The following CAMKMT variants were observed in gnomAD, a reference collection of about 807,000 sequenced individuals.
The protein encoded by CAMKMT is CaM KMT.
CAMKMT carries 53 observed loss-of-function variants against 48.0 expected under a neutral mutation model. That is an observed-to-expected ratio of 1.10 (90% CI 0.89 to 1.39). The LOEUF (loss-of-function observed/expected upper bound fraction) is 1.39, where lower values mean the gene tolerates loss of function less well. Among genes scored for constraint, CAMKMT ranks in the 40% most tolerant of loss-of-function variants. The pLI is 0.00. For missense variants in CAMKMT, 428 were observed against 402.7 expected (o/e 1.06, Z -0.54); for synonymous variants, 165 against 152.3 (o/e 1.08, Z -0.61).
At chr2:44,422,875 G>A (rs1306033856) in intron 3 of CAMKMT, among the ~76,000 whole-genome samples, 1 of 151,980 alleles carries the variant, frequency 6.6e-6, no homozygotes, top group African/African-American at 2.4e-5. Context: ...TAGAACCAGT[G>A]AATTCTCTGG....
At chr2:44,493,977 G>A (rs779897155) in intron 3 of CAMKMT, among the ~76,000 whole-genome samples, 8 of 152,022 alleles carry the variant, frequency 5.3e-5, no homozygotes, top group Non-Finnish European at 1.2e-4. Flanking sequence ...TAGTAATTTG[G>A]TTTCATTTTT....
intron 3 of CAMKMT, among the ~76,000 whole-genome samples, chr2:44,579,627 T>G (rs1669434266): frequency 6.6e-6 from 1 of 152,214 alleles, no homozygotes; most frequent in South Asian, 2.1e-4. Flanking sequence ...TTGCCCTTTC[T>G]CTCCTGAGCT....
intron 9 of CAMKMT, among the ~76,000 whole-genome samples, chr2:44,756,986 T>A (rs1459458736): frequency 6.6e-6 from 1 of 152,180 alleles, no homozygotes; most frequent in Non-Finnish European, 1.5e-5. Context: ...CAAGTCTACA[T>A]TAACTACCTT....
At position 44,654,654 on chromosome 2, in the gene CAMKMT, A is replaced by G. The variant is rs533902434; in HGVS notation, c.377-49629A>G. ...TGGCCTCCCGAGTAGCTGGGACTAC[A>G]GACGTGTGTCACCATGCCTGGCGAA... On this transcript the variant is annotated intron_variant, in intron 3 of 10. Transcript: ENST00000378494. Among the ~76,000 whole-genome samples, 25 of 152,266 alleles carry G rather than the reference A, an allele frequency of 1.6e-4. No homozygotes were observed. In the East Asian group the frequency reaches 4.6e-3, roughly 28 times the overall value.
chr2:44,669,106 T>G (rs1274473589), intron 3 of CAMKMT, among the ~76,000 whole-genome samples: 3 of 152,202 alleles, frequency 2.0e-5, no homozygotes, highest in African/African-American at 7.2e-5. Flanking sequence ...TGTTTGTTTT[T>G]GTTTTTAATA....
chr2:44,720,342 C>G (rs1678401873), intron 7 of CAMKMT, among the ~76,000 whole-genome samples: 2 of 152,054 alleles, frequency 1.3e-5, no homozygotes, highest in Non-Finnish European at 2.9e-5. Flanking sequence ...ATCTCACTAC[C>G]AAAAATAGGC....
In CAMKMT at chr2:44,447,947, G is replaced by T. The variant is rs181746599; in HGVS notation, c.376+57642G>T. Among the ~76,000 whole-genome samples, 10 of 152,224 alleles carry T rather than the reference G, an allele frequency of 6.6e-5. No individual in the cohort carries two copies. The East Asian group carries it at 1.5e-3, about 23-fold the overall frequency. ...CTGTTTTAATGTATTCTTATAAAAT[G>T]CATTCTATTGTTTGGGATATGTATT... On this transcript the variant is annotated intron_variant, in intron 3 of 10. Coordinates refer to ENST00000378494, the MANE Select transcript of CAMKMT (RefSeq NM_024766.5).
intron 3 of CAMKMT, among the ~76,000 whole-genome samples, chr2:44,648,509 A>C (rs1162606383): frequency 2.6e-5 from 4 of 152,254 alleles, no homozygotes; most frequent in Non-Finnish European, 4.4e-5. Context: ...AAGAAAGATT[A>C]CATTTGTTCT....
chr2:44,772,123 C>T lies in CAMKMT; in HGVS notation c.*10C>T. On this transcript the variant is annotated 3_prime_UTR_variant, in exon 11 of 11. Coordinates refer to ENST00000378494, the MANE Select transcript of CAMKMT (RefSeq NM_024766.5). The stretch of plus-strand genomic sequence containing the variant: ...GACCAAACATGGATAGAAGATTAAG[C>T]TTCTCAAAGACGAAGAAACGTATCA... 1 of 1,608,612 alleles carries T rather than the reference C, an allele frequency of 6.2e-7. No individual in the cohort carries two copies. The highest frequency in any genetic ancestry group is 8.5e-7 in the Non-Finnish European group (1 of 1,176,364).
At chr2:44,375,888 TGACTCTCCTGCCTC>T in intron 2 of CAMKMT, among the ~76,000 whole-genome samples, 1 of 152,118 alleles carries the variant, frequency 6.6e-6, no homozygotes, top group Non-Finnish European at 1.5e-5. Context: ...AGGGTTCAAG[TGACTCTCCTGCCTC>T]AGCCTCCTGA....
intron 3 of CAMKMT, among the ~76,000 whole-genome samples, chr2:44,609,383 G>A (rs1404180228): frequency 6.6e-6 from 1 of 152,154 alleles, no homozygotes; most frequent in African/African-American, 2.4e-5. Flanking sequence ...AACCATGTGA[G>A]GTAATCCGTT....
At chr2:44,499,832 A>T (rs1669924111) in intron 3 of CAMKMT, among the ~76,000 whole-genome samples, 1 of 152,176 alleles carries the variant, frequency 6.6e-6, no homozygotes, top group African/African-American at 2.4e-5. Flanking sequence ...CTGTTTTGTG[A>T]TACTTCTGAA....
chr2:44,399,225 A>C (rs1183033545), intron 3 of CAMKMT, among the ~76,000 whole-genome samples: 3 of 152,088 alleles, frequency 2.0e-5, no homozygotes, highest in African/African-American at 7.2e-5. Flanking sequence ...TTTCTGATTG[A>C]TTTTCTACAA....
chr2:44,536,682 C>T (rs1446885908), intron 3 of CAMKMT, among the ~76,000 whole-genome samples: 3 of 151,726 alleles, frequency 2.0e-5, no homozygotes, highest in African/African-American at 4.8e-5. Flanking sequence ...TTGTATGGAA[C>T]CAAAAAAGAG....
At chr2:44,546,154 G>GACACACACACACACACACACAC (rs4039614) in intron 3 of CAMKMT, among the ~76,000 whole-genome samples, 19 of 129,168 alleles carry the variant, frequency 1.5e-4, no homozygotes, top group African/African-American at 3.8e-4. Context: ...AGACTGCTAG[G>GACACACACACACACACACACAC]ACACACACAC....
chr2:44,765,213 G>C (rs1218679317), intron 9 of CAMKMT, among the ~76,000 whole-genome samples: 1 of 152,026 alleles, frequency 6.6e-6, no homozygotes, highest in Admixed American at 6.6e-5. Flanking sequence ...GGGTGACAGA[G>C]TGGGACTCTG....
chr2:44,654,457 A>T (rs999558287), intron 3 of CAMKMT, among the ~76,000 whole-genome samples: 1 of 152,306 alleles, frequency 6.6e-6, no homozygotes, highest in East Asian at 1.9e-4. Flanking sequence ...AATTAGTTGT[A>T]TGCCCTTTAG....
intron 3 of CAMKMT, among the ~76,000 whole-genome samples, chr2:44,632,278 A>C (rs147210636): frequency 7.9e-5 from 12 of 152,236 alleles, no homozygotes; most frequent in African/African-American, 2.6e-4. Flanking sequence ...TTTGTCAGGA[A>C]AATTTTTATT....
chr2:44,572,018 T>C (rs931441341), intron 3 of CAMKMT, among the ~76,000 whole-genome samples: 5 of 152,310 alleles, frequency 3.3e-5, no homozygotes, highest in Admixed American at 2.6e-4. Flanking sequence ...ATCTTTTACG[T>C]ATCTTAAGTA....
Sources: gnomAD v4.1 joint callset for allele counts (sites outside exome capture counted in the v4.1 genomes callset) on GRCh38, gnomAD v4.1.1 for gene constraint, MANE v1.5 for transcripts, NCBI Gene and HGNC (gene_info 2026-07-23, HGNC 2026-07-21) for gene names.